Variants in TTLL4 observed in about 807,000 individuals in gnomAD.
The protein encoded by TTLL4 is tubulin tyrosine ligase like 4.
TTLL4 carries 85 observed loss-of-function variants against 122.7 expected under a neutral mutation model. That is an observed-to-expected ratio of 0.69 (90% CI 0.58 to 0.83). The LOEUF (loss-of-function observed/expected upper bound fraction) is 0.83. Among genes scored for constraint, TTLL4 ranks in the 40% least tolerant of loss-of-function variants. TTLL4 has a pLI of 0.00. For missense variants in TTLL4, 1,363 were observed against 1,488.6 expected (o/e 0.92, Z 1.39); for synonymous variants, 553 against 563.0 (o/e 0.98, Z 0.25).
chr2:218,742,400 GA>G (rs933041039), intron 5 of TTLL4, among the ~76,000 whole-genome samples: 3 of 152,090 alleles, frequency 2.0e-5, no homozygotes, highest in Non-Finnish European at 4.4e-5. Context: ...GGCAACCACT[GA>G]AAAACAGAAA....
chr2:218,750,119 C>G lies in TTLL4; in HGVS notation c.2846C>G (p.Pro949Arg). The change falls in exon 15 of 20, where the codon CCC becomes CGC. Residue 949 changes from proline to arginine, a missense_variant. Physicochemically the swap from Pro to Arg is moderately radical, Grantham distance 103 (BLOSUM62 -2). Coordinates refer to ENST00000392102, the MANE Select transcript of TTLL4 (RefSeq NM_014640.5). ...AATGCAGAGGATATCATTTCCAGCCCCAGCAGCTGCAGCAGCTCCACCACC... is the reference window on the plus strand; with the variant it reads ...AATGCAGAGGATATCATTTCCAGCCGCAGCAGCTGCAGCAGCTCCACCACC... ...LPNAEDIISS[P>R]SSCSSSTTSL... 1 of 1,613,926 alleles carries G rather than the reference C, an allele frequency of 6.2e-7. No individual in the cohort carries two copies. Among genetic ancestry groups the G allele is most frequent in the South Asian group, 1.1e-5 (1 of 91,064 alleles).
chr2:218,750,131 G>GCAGCTCCAC lies in TTLL4; in HGVS notation c.2861_2869dup (p.Ser954_Thr956dup). The stretch of plus-strand genomic sequence containing the variant: ...ATCATTTCCAGCCCCAGCAGCTGCA[G>GCAGCTCCAC]CAGCTCCACCACCAGGTGAGGCCCC... On this transcript the variant is annotated inframe_insertion, in exon 15 of 20. Transcript: ENST00000392102. The GCAGCTCCAC allele has an allele frequency of 6.2e-7, 1 of 1,613,860 alleles. No individual in the cohort carries two copies. The highest frequency in any genetic ancestry group is 8.5e-7 in the Non-Finnish European group (1 of 1,179,850).
At chr2:218,741,251 T>C (rs1942692863) in intron 5 of TTLL4, among the ~76,000 whole-genome samples, 1 of 152,088 alleles carries the variant, frequency 6.6e-6, no homozygotes. Flanking sequence ...ATTAGCTGGG[T>C]ATGGTGGCAC....
chr2:218,752,896 G>A lies in TTLL4; in HGVS notation c.3110G>A (p.Arg1037His), dbSNP rs376660525. ...FPSHISSRYLRFFEQPRYFNI... is the reference protein window; with the variant it reads ...FPSHISSRYLHFFEQPRYFNI... ...TCTCATATCTCCTCTCGCTATCTCC[G>A]CTTTTTTGAGCAGCCACGATATTTC... Residue 1037 changes from arginine (R) to histidine (H), a missense_variant, in exon 17 of 20, where the codon CGC (arginine) becomes CAC (histidine). This residue lies in a region of TTLL4 where 596 missense variants were observed against 655.8 expected (regional missense o/e 0.91). Coordinates refer to ENST00000392102, the MANE Select transcript of TTLL4 (RefSeq NM_014640.5). 6.4e-5 allele frequency: 103 copies of A among 1,614,010 alleles called. 1 individual carries two copies. In the East Asian group the frequency reaches 1.2e-3, roughly 18 times the overall value.
rs537460872 is a variant in TTLL4, at chr2:218,754,372, C to T, written c.3583C>T (p.Leu1195=). Residue 1195 remains leucine, a synonymous_variant, in exon 20 of 20, where the codon CTG becomes TTG. Transcript: ENST00000392102. The part of the protein sequence containing the change: ...STFQSISDSL[L]AVSP ...TTTCCAGTCAATCAGTGACTCCCTCCTGGCTGTGAGCCCATAACTGGCCTC... is the reference window on the plus strand; with the variant it reads ...TTTCCAGTCAATCAGTGACTCCCTCTTGGCTGTGAGCCCATAACTGGCCTC... The T allele has an allele frequency of 1.9e-6, 3 of 1,614,236 alleles. No individual in the cohort carries two copies. The South Asian group carries it at 3.3e-5, about 18-fold the overall frequency.
At chr2:218,733,749 C>A (rs1942441912) in intron 2 of TTLL4, among the ~76,000 whole-genome samples, 1 of 152,230 alleles carries the variant, frequency 6.6e-6, no homozygotes, top group Non-Finnish European at 1.5e-5. Context: ...TCCTTGTCCT[C>A]CCTCTTCCTC....
intron 15 of TTLL4, 70 bp from the exon 16 acceptor site, chr2:218,751,634 T>G: frequency 6.4e-7 from 1 of 1,571,690 alleles, no homozygotes. Context: ...GGGCTGGACC[T>G]CCTCCATATT....
intron 3 of TTLL4, 96 bp downstream of exon 3, chr2:218,739,259 AT>A (rs1559367951): frequency 2.1e-6 from 3 of 1,429,114 alleles, no homozygotes; most frequent in Non-Finnish European, 2.8e-6. Context: ...GGTTGGTTTT[AT>A]TTTTTAGCTG....
At chr2:218,716,731 G>T (rs1204234645) in intron 1 of TTLL4, among the ~76,000 whole-genome samples, 2 of 152,210 alleles carry the variant, frequency 1.3e-5, no homozygotes, top group Non-Finnish European at 2.9e-5. Flanking sequence ...GGAGGTTGCA[G>T]TGAGCCGAGA....
At chr2:218,753,263 G>T (rs1197083362) in intron 18 of TTLL4, 78 bp downstream of exon 18, 23 of 1,524,894 alleles carry the variant, frequency 1.5e-5, no homozygotes, top group African/African-American at 4.1e-5. Flanking sequence ...CAGGAGTTGG[G>T]TTGGTATGTA....
At chr2:218,713,321 A>C (rs73080917) in intron 1 of TTLL4, among the ~76,000 whole-genome samples, 9,190 of 152,280 alleles carry the variant, frequency 0.06, 914 homozygotes, top group African/African-American at 0.21. Context: ...GAGGTTATCC[A>C]GGCTGGAGTG....
At chr2:218,758,060 T>C (rs186633174), downstream of TTLL4, among the ~76,000 whole-genome samples, 34 of 152,290 alleles carry the variant, frequency 2.2e-4, no homozygotes, top group East Asian at 6.6e-3. Context: ...TGCCCGCTCA[T>C]TAATATCCGG....
chr2:218,746,553 A>C, intron 8 of TTLL4: 1 of 419,450 alleles, frequency 2.4e-6, no homozygotes, highest in Non-Finnish European at 4.4e-6. Flanking sequence ...TTTTCCTCTA[A>C]TGTGTCTTGA....
At chr2:218,758,105 C>G (rs781161669), downstream of TTLL4, among the ~76,000 whole-genome samples, 12 of 152,270 alleles carry the variant, frequency 7.9e-5, no homozygotes, top group Non-Finnish European at 1.5e-4. Context: ...TGCCCCTTCA[C>G]CAGCGTTGGA....
chr2:218,729,095 G>A (rs1003012008), intron 2 of TTLL4, among the ~76,000 whole-genome samples: 3 of 151,910 alleles, frequency 2.0e-5, no homozygotes, highest in Non-Finnish European at 4.4e-5. Context: ...ACCATGCCCG[G>A]TTAATTTTTT....
rs1442615465 is a variant in TTLL4 at position 218,754,386 on chromosome 2, A to G, written c.3597A>G (p.Pro1199=). 1 of 1,614,084 alleles carries G rather than the reference A, an allele frequency of 6.2e-7. No individual in the cohort carries two copies. The highest frequency in any genetic ancestry group is 1.1e-5 in the South Asian group (1 of 91,068). ...SISDSLLAVS[P] is the part of the protein sequence containing the mutation. ...GTGACTCCCTCCTGGCTGTGAGCCC[A>G]TAACTGGCCTCTCTCCAAAAGCCTC... Residue 1199 remains proline, a synonymous_variant, in exon 20 of 20, where the codon CCA becomes CCG. Coordinates refer to ENST00000392102, the MANE Select transcript of TTLL4 (RefSeq NM_014640.5).
chr2:218,745,659 C>T, intron 6 of TTLL4, 32 bp from the exon 7 acceptor site: 2 of 1,421,148 alleles, frequency 1.4e-6, no homozygotes, highest in African/African-American at 1.4e-5. Context: ...CCTCTCCATC[C>T]CCCATCCCCA....
chr2:218,753,148 G>T lies in TTLL4; in HGVS notation c.3221G>T (p.Gly1074Val). The T allele has an allele frequency of 6.2e-7, 1 of 1,614,026 alleles. No homozygotes were observed. The highest frequency in any genetic ancestry group is 8.5e-7 in the Non-Finnish European group (1 of 1,179,982). ...CTGCTCCGGAGTTGGTGCTACAAAG[G>T]GTTCCACATGGGAGTTGTCTCTGAT... is the stretch of plus-strand genomic sequence containing the variant. Reference protein sequence around the residue: ...VDLLRSWCYKGFHMGVVSDSA... With the variant: ...VDLLRSWCYKVFHMGVVSDSA... The change falls in exon 18 of 20, where the codon GGG becomes GTG. Residue 1074 changes from glycine to valine, a missense_variant. Gly to Val is a moderately radical substitution (Grantham distance 109). Coordinates refer to ENST00000392102, the MANE Select transcript of TTLL4 (RefSeq NM_014640.5).
chr2:218,748,594 G>A (rs1559373298), intron 12 of TTLL4: 1 of 444,710 alleles, frequency 2.2e-6, no homozygotes, highest in Non-Finnish European at 4.0e-6. Context: ...GACGGAGGTT[G>A]CAGTGAGCTG....
Sources: allele counts gnomAD v4.1 joint callset (sites outside exome capture counted in the v4.1 genomes callset), GRCh38; gene constraint gnomAD v4.1.1; regional missense constraint gnomAD v4.1.1; transcripts MANE v1.5; gene names NCBI Gene and HGNC (gene_info 2026-07-23, HGNC 2026-07-21).